AGTR1: variants seen among roughly 807,000 people sequenced by gnomAD.
The protein encoded by AGTR1 is type-1 angiotensin II receptor.
A neutral mutation model predicts 19.4 loss-of-function variants in AGTR1; 16 were observed. That is an observed-to-expected ratio of 0.82 (90% CI 0.56 to 1.25). The LOEUF (loss-of-function observed/expected upper bound fraction) is 1.25. Among genes scored for constraint, AGTR1 ranks in the 50% most tolerant of loss-of-function variants. The pLI is 0.00. For synonymous variants in AGTR1, 153 were observed against 154.9 expected, an observed-to-expected ratio of 0.99 and a Z score of 0.09; for missense variants, 373 against 431.9, an observed-to-expected ratio of 0.86 and a Z score of 1.21.
At chr3:148,729,904 A>C (rs770577563) in intron 2 of AGTR1, among the ~76,000 whole-genome samples, 56 of 152,164 alleles carry the variant, frequency 3.7e-4, no homozygotes, top group Non-Finnish European at 5.3e-4. Flanking sequence ...CCTTGCTGGT[A>C]CTTTAGTTTC....
At position 148,739,955 on chromosome 3, in the gene AGTR1, C is replaced by T. The variant is rs754749117; in HGVS notation, c.-47-1034C>T. 684 of 1,231,690 alleles carry T rather than the reference C, an allele frequency of 5.6e-4. No individual in the cohort carries two copies. The highest frequency in any genetic ancestry group is 6.5e-4 in the Non-Finnish European group (641 of 988,024). 76.3% of individuals were successfully genotyped at this position (1,231,690 alleles called of 1,614,324 possible). ...CCTCAGAGTGTGGCTGTACCACATT[C>T]GGTGATGTCACTCTCACTGAACCTT... is the stretch of plus-strand genomic sequence containing the variant. On this transcript the variant is annotated intron_variant, in intron 2 of 2. Transcript: ENST00000349243.
At chr3:148,707,796 A>G (rs1712754992) in intron 1 of AGTR1, 148 bp from the exon 2 acceptor site, 1 of 152,180 alleles carries the variant, frequency 6.6e-6, no homozygotes, top group Non-Finnish European at 1.5e-5. Flanking sequence ...GCTCTATATA[A>G]GGAAAAATAT....
chr3:148,741,864 G>T lies in AGTR1; in HGVS notation c.829G>T (p.Ala277Ser). The T allele has an allele frequency of 6.2e-7, 1 of 1,614,032 alleles. No homozygotes were observed. The highest frequency in any genetic ancestry group is 8.5e-7 in the Non-Finnish European group (1 of 1,180,006). ...QLGIIRDCRI[A>S]DIVDTAMPIT... ...AGGCATCATACGTGACTGTAGAATTGCAGATATTGTGGACACGGCCATGCC... is the reference window on the plus strand; with the variant it reads ...AGGCATCATACGTGACTGTAGAATTTCAGATATTGTGGACACGGCCATGCC... The change falls in exon 3 of 3, where the codon GCA becomes TCA. Residue 277 changes from alanine (A) to serine (S), a missense_variant. Ala to Ser is a moderately conservative substitution (Grantham distance 99). Coordinates refer to ENST00000349243, the MANE Select transcript of AGTR1 (RefSeq NM_000685.5).
chr3:148,733,631 G>A (rs1714412573), intron 2 of AGTR1, among the ~76,000 whole-genome samples: 1 of 152,130 alleles, frequency 6.6e-6, no homozygotes, highest in Non-Finnish European at 1.5e-5. Context: ...CTGTTGAAAA[G>A]AAAAGCTTGT....
intron 2 of AGTR1, among the ~76,000 whole-genome samples, chr3:148,711,599 CAT>C (rs569902133): frequency 8.7e-4 from 132 of 152,070 alleles, no homozygotes; most frequent in African/African-American, 2.6e-3. Context: ...CTTTAGGAAA[CAT>C]GTGTACTCCA....
chr3:148,734,310 G>C (rs1714448592), intron 2 of AGTR1, among the ~76,000 whole-genome samples: 2 of 152,122 alleles, frequency 1.3e-5, no homozygotes, highest in Non-Finnish European at 2.9e-5. Context: ...TGGGTTCTTT[G>C]GGTTCTTAGT....
chr3:148,738,808 C>T (rs1052720070), intron 2 of AGTR1, among the ~76,000 whole-genome samples: 4 of 152,206 alleles, frequency 2.6e-5, no homozygotes, highest in Non-Finnish European at 5.9e-5. Flanking sequence ...TGAAACTCTG[C>T]AAGGAGCAAC....
At chr3:148,725,585 C>T (rs1009301303) in intron 2 of AGTR1, among the ~76,000 whole-genome samples, 7 of 152,212 alleles carry the variant, frequency 4.6e-5, no homozygotes, top group South Asian at 2.1e-4. Flanking sequence ...TGGGTTCAAG[C>T]GATTCTCCTG....
At chr3:148,715,270 G>T (rs12721302) in intron 2 of AGTR1, among the ~76,000 whole-genome samples, 145 of 152,216 alleles carry the variant, frequency 9.5e-4, no homozygotes, top group African/African-American at 3.1e-3. Context: ...TATTCTTTAA[G>T]ATTTCCTAAT....
At chr3:148,705,255 G>T (rs1712604158) in intron 1 of AGTR1, among the ~76,000 whole-genome samples, 1 of 152,074 alleles carries the variant, frequency 6.6e-6, no homozygotes, top group Admixed American at 6.6e-5. Context: ...TCGTAGCATA[G>T]CATTTTTTTC....
At chr3:148,707,423 C>T (rs1039379766) in intron 1 of AGTR1, among the ~76,000 whole-genome samples, 6 of 151,954 alleles carry the variant, frequency 3.9e-5, no homozygotes, top group Non-Finnish European at 8.8e-5. Context: ...TGTAACTTGA[C>T]ATTTATACGA....
chr3:148,702,532 C>T (rs955097520), intron 1 of AGTR1, among the ~76,000 whole-genome samples: 2 of 152,126 alleles, frequency 1.3e-5, no homozygotes, highest in African/African-American at 4.8e-5. Context: ...AAGCTAAGCA[C>T]ATATTTTGGC....
At position 148,731,738 on chromosome 3, in the gene AGTR1, C is replaced by T. The variant is rs574576740; in HGVS notation, c.-47-9251C>T. 2.6e-5 allele frequency among the ~76,000 whole-genome samples: 4 copies of T among 152,330 alleles called. No individual in the cohort carries two copies. In the South Asian group the frequency reaches 8.3e-4, roughly 32 times the overall value. On this transcript the variant is annotated intron_variant, in intron 2 of 2. Transcript: ENST00000349243. ...TGTTGCCGGTTACTGGCAGAGCAGA[C>T]TCTTTGCCAGGACAGCAGTCCAGTG...
intron 2 of AGTR1, among the ~76,000 whole-genome samples, chr3:148,726,049 C>G (rs193146134): frequency 2.0e-5 from 3 of 152,290 alleles, no homozygotes; most frequent in African/African-American, 7.2e-5. Flanking sequence ...TCTTAAAACA[C>G]TCTTCCAAGG....
chr3:148,703,197 T>G (rs1470594094), intron 1 of AGTR1, among the ~76,000 whole-genome samples: 1 of 152,208 alleles, frequency 6.6e-6, no homozygotes, highest in African/African-American at 2.4e-5. Context: ...TCATTCCCCC[T>G]GTTGAGACAC....
Position 148,733,696 on chromosome 3 carries a change from TGA to T in AGTR1, c.-47-7290_-47-7289del, listed in dbSNP as rs200140469. On this transcript the variant is annotated intron_variant, in intron 2 of 2. Coordinates refer to ENST00000349243, the MANE Select transcript of AGTR1 (RefSeq NM_000685.5). The stretch of plus-strand genomic sequence containing the variant: ...AATGATGTTTCCTCCCCATGATGGC[TGA>T]GATACTAATCCATTGAAATGTGGCG... 2.5e-3 allele frequency among the ~76,000 whole-genome samples: 380 copies of T among 152,338 alleles called. 2 individuals are homozygous for T. Among genetic ancestry groups the T allele is most frequent in the African/African-American group, 8.6e-3 (356 of 41,574 alleles).
intron 2 of AGTR1, among the ~76,000 whole-genome samples, chr3:148,710,860 T>A (rs1173394890): frequency 6.6e-6 from 1 of 152,074 alleles, no homozygotes; most frequent in Non-Finnish European, 1.5e-5. Context: ...CCTCCCCATG[T>A]TAATGAAAGA....
intron 2 of AGTR1, among the ~76,000 whole-genome samples, chr3:148,735,362 C>T (rs1247592304): frequency 6.6e-6 from 1 of 152,080 alleles, no homozygotes; most frequent in Non-Finnish European, 1.5e-5. Flanking sequence ...GCTGTACCCC[C>T]AAGCTGAGGT....
intron 1 of AGTR1, among the ~76,000 whole-genome samples, chr3:148,703,454 T>C (rs1712471206): frequency 6.6e-6 from 1 of 152,242 alleles, no homozygotes; most frequent in African/African-American, 2.4e-5. Context: ...AAGAGGTGTT[T>C]TCTTGGCTCT....
Sources: gnomAD v4.1 joint callset for allele counts (sites outside exome capture counted in the v4.1 genomes callset) on GRCh38, gnomAD v4.1.1 for gene constraint, MANE v1.5 for transcripts, NCBI Gene and HGNC (gene_info 2026-07-23, HGNC 2026-07-21) for gene names.